The following ADGRG1 variants were observed in gnomAD, a reference collection of about 807,000 sequenced individuals.
The protein encoded by ADGRG1 is 7-transmembrane protein with no EGF-like N-terminal domains-1.
In ADGRG1, 53 loss-of-function variants were observed where a neutral mutation model predicts 73.5. The observed-to-expected ratio is 0.72, with a 90% CI of 0.58 to 0.91. The LOEUF is 0.91. Ranked by LOEUF, ADGRG1 falls within the 40% of genes least tolerant of loss-of-function variation. The probability of loss-of-function intolerance (pLI) is 0.00; values close to 1 mark genes in which losing one functional copy is unlikely to be tolerated. For synonymous variants in ADGRG1, 394 were observed against 374.4 expected, an observed-to-expected ratio of 1.05 and a Z score of -0.60; for missense variants, 795 against 871.8, an observed-to-expected ratio of 0.91 and a Z score of 1.11.
chr16:57,657,086 G>A (rs541660436), intron 9 of ADGRG1, among the ~76,000 whole-genome samples: 104 of 152,362 alleles, frequency 6.8e-4, no homozygotes, highest in Non-Finnish European at 1.2e-3. Context: ...CTATTCCCAT[G>A]TTAAATGTTA....
At chr16:57,647,047 T>C (rs2042828589) in intron 1 of ADGRG1, 1 of 645,570 alleles carries the variant, frequency 1.5e-6, no homozygotes, top group Non-Finnish European at 1.8e-6. Context: ...AGACTCATGC[T>C]ACATCCCTGG....
rs16958686 is a variant in ADGRG1, at chr16:57,662,770, A to G, written c.1934-682A>G. On this transcript the variant is annotated intron_variant, in intron 13 of 13. Coordinates refer to ENST00000562631, the MANE Select transcript of ADGRG1 (RefSeq NM_201525.4). ...ATGCCAACAGGGTCCCTTTCTGTGC[A>G]TGTACCTGTGTGTGTACATTGAGGT... Among the ~76,000 whole-genome samples, 991 of 152,206 alleles carry G rather than the reference A, an allele frequency of 6.5e-3. 36 individuals carry two copies. The South Asian group carries it at 0.09, about 14-fold the overall frequency.
chr16:57,641,512 T>C (rs1267720301), intron 1 of ADGRG1: 2 of 984,986 alleles, frequency 2.0e-6, no homozygotes, highest in Non-Finnish European at 2.4e-6. Context: ...AGTGCCTTCC[T>C]AATCCCTGTT....
chr16:57,634,486 C>T (rs533088888), intron 1 of ADGRG1: 2 of 984,584 alleles, frequency 2.0e-6, no homozygotes, highest in East Asian at 2.3e-4. Context: ...TACAAAGACC[C>T]TCATTCAATC....
At chr16:57,632,684 C>T (rs2038303928) in intron 1 of ADGRG1, 1 of 680,076 alleles carries the variant, frequency 1.5e-6, no homozygotes, top group Non-Finnish European at 1.8e-6. Context: ...TGGTGGGCGT[C>T]GGGCTCCCGA....
At chr16:57,655,646 A>C in intron 6 of ADGRG1, 116 bp downstream of exon 6, 1 of 1,586,886 alleles carries the variant, frequency 6.3e-7, no homozygotes, top group Non-Finnish European at 8.6e-7. Flanking sequence ...TTCCTTGTAA[A>C]GTTACAAATT....
chr16:57,648,700 C>G (rs62036132), intron 1 of ADGRG1: 86,583 of 983,654 alleles, frequency 0.088, 4,071 homozygotes, highest in Non-Finnish European at 0.097. Flanking sequence ...GGCTTGTGGC[C>G]GATGACTGCC....
At chr16:57,653,938 G>A (rs781674802) in intron 4 of ADGRG1, 48 bp from the exon 5 acceptor site, 1 of 1,611,896 alleles carries the variant, frequency 6.2e-7, no homozygotes, top group African/African-American at 1.3e-5. Context: ...TCTCCCTGGT[G>A]GCCCGGCCCC....
chr16:57,643,532 G>A (rs747521583), intron 1 of ADGRG1: 68 of 982,694 alleles, frequency 6.9e-5, no homozygotes, highest in Non-Finnish European at 8.0e-5. Flanking sequence ...GAAGCCACGG[G>A]GACAGTGAGG....
At position 57,628,686 on chromosome 16, in the gene ADGRG1, C is replaced by T. The variant is rs943658343; in HGVS notation, c.-152C>T. The stretch of plus-strand genomic sequence containing the variant: ...AGATGGGCTGGGAGCCTCCCACGCT[C>T]TCCAGCTCACTCGGCAGGCAGCGGG... On this transcript the variant is annotated 5_prime_UTR_variant, in exon 1 of 14. Transcript: ENST00000562631. 7.1e-6 allele frequency: 7 copies of T among 985,540 alleles called. No individual in the cohort carries two copies. The highest frequency in any genetic ancestry group is 2.3e-4 in the East Asian group (2 of 8,818). 61.0% of individuals were successfully genotyped at this position (985,540 alleles called of 1,614,324 possible). A position where few individuals can be genotyped will look rare whatever the true frequency, so the allele number is the denominator to read the frequency against.
upstream of ADGRG1, among the ~76,000 whole-genome samples, chr16:57,624,495 T>C (rs2035461755): frequency 6.6e-6 from 1 of 152,138 alleles, no homozygotes; most frequent in African/African-American, 2.4e-5. Context: ...AGCGAGGCCC[T>C]GTCTCGAAAA....
intron 1 of ADGRG1, chr16:57,639,596 C>A: frequency 1.0e-6 from 1 of 985,474 alleles, no homozygotes; most frequent in Non-Finnish European, 1.2e-6. Flanking sequence ...CTACTGCCTG[C>A]AAACAAGAAC....
intron 9 of ADGRG1, among the ~76,000 whole-genome samples, chr16:57,656,870 G>A (rs894734773): frequency 1.1e-4 from 17 of 152,272 alleles, no homozygotes; most frequent in South Asian, 4.1e-4. Context: ...TGGTGTGTAC[G>A]AAAATGCAGA....
At chr16:57,627,195 C>A, upstream of ADGRG1, 1 of 576,224 alleles carries the variant, frequency 1.7e-6, no homozygotes, top group Non-Finnish European at 2.2e-6. Context: ...CCTGCAGCAG[C>A]CCTGGCTCCT....
upstream of ADGRG1, chr16:57,624,913 C>T (rs1223902790): frequency 1.9e-5 from 3 of 155,424 alleles, no homozygotes; most frequent in Admixed American, 6.5e-5. Flanking sequence ...CTCATTTAAT[C>T]GGCCCAATAG....
chr16:57,652,790 C>G (rs1223799211), intron 3 of ADGRG1: 1 of 1,074,958 alleles, frequency 9.3e-7, no homozygotes, highest in South Asian at 2.7e-5. Flanking sequence ...AGTAGGCCGC[C>G]CACGCTACCT....
intron 2 of ADGRG1, chr16:57,621,745 C>T (rs534979091): frequency 2.0e-5 from 9 of 447,580 alleles, no homozygotes; most frequent in Admixed American, 6.4e-5. Flanking sequence ...GCCTGGCATC[C>T]GAGCAGCTGC....
chr16:57,649,624 C>A (rs747274395), intron 1 of ADGRG1, among the ~76,000 whole-genome samples: 3 of 152,088 alleles, frequency 2.0e-5, no homozygotes, highest in Non-Finnish European at 2.9e-5. Flanking sequence ...AGGTAGAACC[C>A]TCATGCCAGA....
At chr16:57,647,942 A>G (rs935746) in intron 1 of ADGRG1, 102,225 of 176,996 alleles carry the variant, frequency 0.58, 30,427 homozygotes, top group African/African-American at 0.73. Flanking sequence ...CTGAAGTGAC[A>G]CGGTGGTTCT....
Sources: gnomAD v4.1 joint callset for allele counts (sites outside exome capture counted in the v4.1 genomes callset) on GRCh38, gnomAD v4.1.1 for gene constraint, MANE v1.5 for transcripts, NCBI Gene and HGNC (gene_info 2026-07-23, HGNC 2026-07-21) for gene names.